Variants in CCDC30 observed in about 807,000 individuals in gnomAD.
The protein encoded by CCDC30 is coiled-coil domain-containing protein 30.
In CCDC30, 70 loss-of-function variants were observed where a neutral mutation model predicts 100.2. That is an observed-to-expected ratio of 0.70 (90% CI 0.58 to 0.85). The LOEUF (loss-of-function observed/expected upper bound fraction) is 0.85, where lower values mean the gene tolerates loss of function less well. Ranked by LOEUF, CCDC30 falls within the 40% of genes least tolerant of loss-of-function variation. The probability of loss-of-function intolerance (pLI) is 0.00; values close to 1 mark genes in which losing one functional copy is unlikely to be tolerated. For synonymous variants in CCDC30, 233 were observed against 269.5 expected, an observed-to-expected ratio of 0.86 and a Z score of 1.33; for missense variants, 652 against 771.2, an observed-to-expected ratio of 0.85 and a Z score of 1.83.
At chr1:42,502,574 C>T (rs1644336121) in intron 6 of CCDC30, among the ~76,000 whole-genome samples, 1 of 152,224 alleles carries the variant, frequency 6.6e-6, no homozygotes, top group Admixed American at 6.5e-5. Context: ...GAGCTGTAGA[C>T]TGGAGCTGTT....
intron 6 of CCDC30, chr1:42,510,076 G>A: frequency 2.0e-6 from 2 of 985,400 alleles, no homozygotes; most frequent in Non-Finnish European, 2.4e-6. Context: ...AGAATTGGAG[G>A]AGCTGACAAT....
At chr1:42,641,223 G>T (rs1363839819) in intron 12 of CCDC30, among the ~76,000 whole-genome samples, 1 of 136,398 alleles carries the variant, frequency 7.3e-6, no homozygotes, top group Non-Finnish European at 1.5e-5. Context: ...TTTTGTGTGT[G>T]TGTGTGTGTG....
intron 6 of CCDC30, 60 bp from the exon 8 acceptor site, chr1:42,539,113 T>A (rs983233814): frequency 1.1e-5 from 14 of 1,298,924 alleles, no homozygotes; most frequent in Non-Finnish European, 1.3e-5. Flanking sequence ...AAATATTATA[T>A]CTTTTATGGG....
intron 7 of CCDC30, among the ~76,000 whole-genome samples, chr1:42,568,526 C>G (rs1645656339): frequency 6.6e-6 from 1 of 152,152 alleles, no homozygotes; most frequent in African/African-American, 2.4e-5. Flanking sequence ...CAGAACTTGT[C>G]AAGTTTGTTT....
chr1:42,552,645 G>A (rs927372911), intron 6 of CCDC30, among the ~76,000 whole-genome samples: 2 of 152,102 alleles, frequency 1.3e-5, no homozygotes, highest in Non-Finnish European at 2.9e-5. Context: ...AGGAGGAAGG[G>A]TTCCTTATTA....
intron 6 of CCDC30, among the ~76,000 whole-genome samples, chr1:42,553,176 T>A (rs1365109138): frequency 6.6e-6 from 1 of 152,108 alleles, no homozygotes; most frequent in African/African-American, 2.4e-5. Flanking sequence ...ATGGCAGACT[T>A]TTGTTTGGAC....
intron 6 of CCDC30, among the ~76,000 whole-genome samples, chr1:42,546,865 T>C (rs1645155392): frequency 1.3e-5 from 2 of 152,172 alleles, no homozygotes; most frequent in Non-Finnish European, 2.9e-5. Context: ...AATCAAATTT[T>C]GTCTGGGAAA....
intron 6 of CCDC30, among the ~76,000 whole-genome samples, chr1:42,530,435 T>C (rs915001848): frequency 3.3e-5 from 5 of 152,192 alleles, no homozygotes; most frequent in African/African-American, 7.2e-5. Context: ...TTCATATCTG[T>C]AGGTTCCACA....
chr1:42,459,464 C>A, upstream of CCDC30: 1 of 791,314 alleles, frequency 1.3e-6, no homozygotes, highest in Non-Finnish European at 2.0e-6. Flanking sequence ...TCCCCTAAGA[C>A]TTTTTAAACT....
chr1:42,552,407 A>G (rs941413059), intron 6 of CCDC30, among the ~76,000 whole-genome samples: 1 of 152,142 alleles, frequency 6.6e-6, no homozygotes, highest in South Asian at 2.1e-4. Context: ...GAAACATAAC[A>G]AAGGCCACTT....
chr1:42,457,003 A>T, the CCDC30 span: 1 of 1,602,138 alleles, frequency 6.2e-7, no homozygotes, highest in Non-Finnish European at 8.5e-7. Flanking sequence ...CCTTCCTGGC[A>T]GTAGAGTTCA....
intron 4 of CCDC30, among the ~76,000 whole-genome samples, chr1:42,490,803 T>C (rs1445665750): frequency 1.3e-5 from 2 of 152,148 alleles, no homozygotes; most frequent in Non-Finnish European, 2.9e-5. Context: ...GAGCTGGTAT[T>C]TGAATCTTTA....
At chr1:42,465,756 C>T (rs563717349) in intron 1 of CCDC30, among the ~76,000 whole-genome samples, 1 of 152,218 alleles carries the variant, frequency 6.6e-6, no homozygotes, top group East Asian at 1.9e-4. Flanking sequence ...GTTGTCACAA[C>T]TAGGGATATG....
chr1:42,459,782 G>C (rs61745591), upstream of CCDC30: 533 of 1,614,192 alleles, frequency 3.3e-4, no homozygotes, highest in African/African-American at 6.5e-3. Flanking sequence ...AGTCACGACA[G>C]TCCTTTGTGT....
intron 6 of CCDC30, among the ~76,000 whole-genome samples, chr1:42,527,686 G>A (rs1644741785): frequency 6.6e-6 from 1 of 152,100 alleles, no homozygotes; most frequent in Non-Finnish European, 1.5e-5. Flanking sequence ...AAAGCAGACT[G>A]AATCTCTTAT....
intron 6 of CCDC30, among the ~76,000 whole-genome samples, chr1:42,528,327 G>A (rs1412833321): frequency 1.3e-5 from 2 of 152,140 alleles, no homozygotes; most frequent in East Asian, 3.9e-4. Flanking sequence ...CTTTCATGGT[G>A]ACCACAATTG....
intron 4 of CCDC30, among the ~76,000 whole-genome samples, chr1:42,493,276 A>T (rs1170485788): frequency 2.6e-5 from 4 of 152,038 alleles, no homozygotes; most frequent in Non-Finnish European, 5.9e-5. Flanking sequence ...AAGGAAGGAG[A>T]TATTAAAATA....
chr1:42,482,678 C>T (rs1160620783), exon 3 of CCDC30: 8 of 1,233,388 alleles, frequency 6.5e-6, no homozygotes, highest in Non-Finnish European at 8.1e-6. Context: ...TAATGAAGAC[C>T]TGGAAAAAGA....
At chr1:42,547,549 G>A (rs1036821363) in intron 6 of CCDC30, among the ~76,000 whole-genome samples, 1 of 152,098 alleles carries the variant, frequency 6.6e-6, no homozygotes, top group Non-Finnish European at 1.5e-5. Context: ...TTCATCTAGG[G>A]GTGGGAAACC....
Sources: allele counts gnomAD v4.1 joint callset (sites outside exome capture counted in the v4.1 genomes callset), GRCh38; gene constraint gnomAD v4.1.1; transcripts MANE v1.5; gene names NCBI Gene and HGNC (gene_info 2026-07-23, HGNC 2026-07-21).